Variants in FSD1L observed in about 807,000 individuals in gnomAD.
The protein encoded by FSD1L is fibronectin type III and SPRY domain containing 1 like, also known as FSD1-like protein.
A neutral mutation model predicts 71.6 loss-of-function variants in FSD1L; 45 were observed. The ratio of observed to expected loss-of-function variants is 0.63; its 90% confidence interval spans 0.49 to 0.81. FSD1L has a LOEUF of 0.81. Among genes scored for constraint, FSD1L ranks in the 30% least tolerant of loss-of-function variants. FSD1L has a pLI of 0.00. For missense variants in FSD1L, 561 were observed against 618.1 expected (o/e 0.91, Z 0.98); for synonymous variants, 197 against 207.2 (o/e 0.95, Z 0.42).
At chr9:105,462,305 T>G (rs963632588) in intron 2 of FSD1L, among the ~76,000 whole-genome samples, 14 of 144,704 alleles carry the variant, frequency 9.7e-5, no homozygotes, top group African/African-American at 3.6e-4. Flanking sequence ...AACCTCCACC[T>G]CCCGGGTTCA....
chr9:105,538,260 C>A (rs1429056483), intron 12 of FSD1L, among the ~76,000 whole-genome samples: 1 of 152,188 alleles, frequency 6.6e-6, no homozygotes, highest in African/African-American at 2.4e-5. Context: ...TACCGTTATG[C>A]TGTTTACCAA....
intron 7 of FSD1L, among the ~76,000 whole-genome samples, chr9:105,493,967 C>T (rs1043739451): frequency 6.6e-6 from 1 of 152,314 alleles, no homozygotes; most frequent in African/African-American, 2.4e-5. Flanking sequence ...GTGAATCTGA[C>T]AATTATGTGT....
chr9:105,480,338 G>A (rs1393903461), intron 6 of FSD1L, among the ~76,000 whole-genome samples: 2 of 150,528 alleles, frequency 1.3e-5, no homozygotes, highest in Non-Finnish European at 2.9e-5. Flanking sequence ...TAGCACCCAG[G>A]CTGGAGTGCA....
At chr9:105,526,482 G>T (rs1314163264) in intron 10 of FSD1L, 2 of 1,612,366 alleles carry the variant, frequency 1.2e-6, no homozygotes, top group Non-Finnish European at 1.7e-6. Context: ...AGCAAAAGCC[G>T]CATGTCCATG....
intron 10 of FSD1L, among the ~76,000 whole-genome samples, chr9:105,532,205 T>C (rs1346623942): frequency 2.0e-5 from 3 of 152,172 alleles, no homozygotes; most frequent in African/African-American, 7.2e-5. Context: ...TTGAGGCAAA[T>C]GTAATGTTAT....
intron 10 of FSD1L, chr9:105,522,136 G>A: frequency 6.2e-7 from 1 of 1,613,932 alleles, no homozygotes; most frequent in Non-Finnish European, 8.5e-7. Context: ...ATAGTTGCCT[G>A]GATCAAAGCA....
chr9:105,443,005 T>G (rs1044449163), upstream of FSD1L, among the ~76,000 whole-genome samples: 3 of 152,208 alleles, frequency 2.0e-5, no homozygotes, highest in Non-Finnish European at 4.4e-5. Context: ...CACTCTGAGT[T>G]TTTCCTTTCA....
At chr9:105,482,825 A>C (rs531571305) in intron 6 of FSD1L, among the ~76,000 whole-genome samples, 1 of 152,268 alleles carries the variant, frequency 6.6e-6, no homozygotes, top group Admixed American at 6.5e-5. Context: ...TTACAGGTTT[A>C]AGGTTTAAAA....
At chr9:105,523,779 A>G in intron 10 of FSD1L, 1 of 1,595,808 alleles carries the variant, frequency 6.3e-7, no homozygotes, top group Non-Finnish European at 8.6e-7. Flanking sequence ...CTACAATATA[A>G]TGCATTGTGG....
At chr9:105,542,830 T>C (rs954822625) in intron 13 of FSD1L, among the ~76,000 whole-genome samples, 2 of 152,230 alleles carry the variant, frequency 1.3e-5, no homozygotes, top group African/African-American at 4.8e-5. Context: ...TATTTTCTCC[T>C]GGTTATGGTT....
Position 105,480,443 on chromosome 9 carries a change from C to T in FSD1L, c.464+1067C>T, listed in dbSNP as rs144728374. ...AATAGGTGGGACTACAGGCATGTGC[C>T]ACCACACCCAGCTAATTTTTGTATT... On this transcript the variant is annotated intron_variant, in intron 6 of 13. Transcript: ENST00000481272. Among the ~76,000 whole-genome samples, 5 of 152,152 alleles carry T rather than the reference C, an allele frequency of 3.3e-5. No individual in the cohort carries two copies. The East Asian group carries it at 9.7e-4, about 29-fold the overall frequency.
chr9:105,463,118 A>G (rs2131609520), intron 2 of FSD1L, among the ~76,000 whole-genome samples: 1 of 148,184 alleles, frequency 6.7e-6, no homozygotes, highest in South Asian at 2.2e-4. Flanking sequence ...AACCTGGGAG[A>G]CAACAGCCAA....
chr9:105,484,554 C>T, intron 7 of FSD1L, 52 bp downstream of exon 7: 2 of 1,282,576 alleles, frequency 1.6e-6, no homozygotes, highest in South Asian at 2.1e-5. Flanking sequence ...TTTTTTTCTA[C>T]AAGATTTTTT....
chr9:105,511,572 T>A (rs1045703785), intron 9 of FSD1L, among the ~76,000 whole-genome samples: 26 of 152,250 alleles, frequency 1.7e-4, no homozygotes, highest in African/African-American at 6.3e-4. Flanking sequence ...TAAGTTCATT[T>A]CTGTTTAAAT....
chr9:105,544,856 A>G (rs1037658930), intron 13 of FSD1L, among the ~76,000 whole-genome samples: 1 of 152,162 alleles, frequency 6.6e-6, no homozygotes, highest in African/African-American at 2.4e-5. Context: ...GAAGTCAGGT[A>G]GCGTGATGCC....
chr9:105,486,627 T>C (rs1832566364), intron 7 of FSD1L, among the ~76,000 whole-genome samples: 1 of 152,132 alleles, frequency 6.6e-6, no homozygotes, highest in South Asian at 2.1e-4. Flanking sequence ...ACTTCAGAAT[T>C]TCACCCTTCT....
At chr9:105,473,925 T>C (rs1325460298) in intron 5 of FSD1L, among the ~76,000 whole-genome samples, 3 of 152,230 alleles carry the variant, frequency 2.0e-5, no homozygotes, top group Admixed American at 6.5e-5. Flanking sequence ...ATAAGTCACA[T>C]TGTGGTTTAA....
intron 1 of FSD1L, among the ~76,000 whole-genome samples, chr9:105,455,621 G>A (rs1346118621): frequency 6.6e-6 from 1 of 152,180 alleles, no homozygotes; most frequent in Non-Finnish European, 1.5e-5. Context: ...GATTTGAAAA[G>A]CAGAGGTTCT....
chr9:105,470,507 A>ATT (rs1387269084), intron 4 of FSD1L, among the ~76,000 whole-genome samples: 49 of 152,114 alleles, frequency 3.2e-4, no homozygotes, highest in African/African-American at 1.1e-3. Context: ...TCTTTTTGAT[A>ATT]CTATTATAAG....
Sources: allele counts gnomAD v4.1 joint callset (sites outside exome capture counted in the v4.1 genomes callset), GRCh38; gene constraint gnomAD v4.1.1; transcripts MANE v1.5; gene names NCBI Gene and HGNC (gene_info 2026-07-23, HGNC 2026-07-21).